Variants in VPS13C observed in about 807,000 individuals in gnomAD.
VPS13C encodes intermembrane lipid transfer protein VPS13C.
A neutral mutation model predicts 456.8 loss-of-function variants in VPS13C; 358 were observed. The observed-to-expected ratio is 0.78, with a 90% CI of 0.72 to 0.86. VPS13C has a LOEUF of 0.86. Among genes scored for constraint, VPS13C ranks in the 40% least tolerant of loss-of-function variants. The pLI, the probability that VPS13C is intolerant of heterozygous loss-of-function variation, is 0.00. For missense variants in VPS13C, 4,818 were observed against 4,385.4 expected (o/e 1.10, Z -2.79); for synonymous variants, 1,578 against 1,486.7 (o/e 1.06, Z -1.41).
At position 61,922,796 on chromosome 15, in the gene VPS13C, A is replaced by C. The variant is rs775791137; in HGVS notation, c.6610-34T>G. On this transcript the variant is annotated intron_variant, in intron 53 of 84. Coordinates refer to ENST00000644861, the MANE Select transcript of VPS13C (RefSeq NM_020821.3). ...AAGAAAGCAGAAAAATATTTATAAT[A>C]AATTCTTTCCCAGATGAGAATATAT... The C allele has an allele frequency of 3.3e-6, 5 of 1,507,622 alleles. No individual in the cohort carries two copies. In the South Asian group the frequency reaches 6.9e-5, roughly 21 times the overall value. The allele number at this position is 1,507,622 out of a possible 1,614,324, so 93.4% of individuals were successfully genotyped here. A position where few individuals can be genotyped will look rare whatever the true frequency, so the allele number is the denominator to read the frequency against.
chr15:61,914,878 TAAAAAAAAAAAAA>T (rs60910951), intron 61 of VPS13C, among the ~76,000 whole-genome samples: 32 of 102,048 alleles, frequency 3.1e-4, no homozygotes, highest in Middle Eastern at 5.0e-3. Flanking sequence ...AACTCTGCCT[TAAAAAAAAAAAAA>T]AAAAAAAAAA....
In VPS13C at chr15:61,947,126, G is replaced by T; in HGVS notation, c.4876+67C>A. 3 of 1,061,604 alleles carry T rather than the reference G, an allele frequency of 2.8e-6. No homozygotes were observed. In the South Asian group the frequency reaches 4.8e-5, roughly 17 times the overall value. The allele number at this position is 1,061,604 out of a possible 1,614,324, so 65.8% of individuals were successfully genotyped here. A position where few individuals can be genotyped will look rare whatever the true frequency, so the allele number is the denominator to read the frequency against. On this transcript the variant is annotated intron_variant, in intron 43 of 84. Coordinates refer to ENST00000644861, the MANE Select transcript of VPS13C (RefSeq NM_020821.3). ...AGAAAACTCATGAGAAATCTAACAG[G>T]TACAAGCTCATTTTTCCTAGTTATG...
intron 30 of VPS13C, 80 bp from the exon 31 acceptor site, chr15:61,964,941 T>C (rs1033351689): frequency 7.5e-7 from 1 of 1,332,656 alleles, no homozygotes; most frequent in African/African-American, 1.5e-5. Context: ...CAAAAGATTC[T>C]CAGGTGGGCT....
chr15:61,856,112 A>G (rs557907062), intron 83 of VPS13C, among the ~76,000 whole-genome samples, 174 bp downstream of exon 83: 1 of 152,298 alleles, frequency 6.6e-6, no homozygotes, highest in Admixed American at 6.5e-5. Flanking sequence ...CTATGCAATC[A>G]AGACTGCCAG....
At chr15:61,981,584 G>A (rs939830609) in intron 21 of VPS13C, 106 bp from the exon 22 acceptor site, 31 of 1,225,890 alleles carry the variant, frequency 2.5e-5, no homozygotes, top group Non-Finnish European at 2.1e-6. Flanking sequence ...TTACAGGTCG[G>A]GTGCGGTGGC....
chr15:61,978,617 A>G lies in VPS13C; in HGVS notation c.2290+9T>C, dbSNP rs1567067542. On this transcript the variant is annotated intron_variant, in intron 23 of 84. Coordinates refer to ENST00000644861, the MANE Select transcript of VPS13C (RefSeq NM_020821.3). ...ATCCCAAGATCCTAAAAGCTGAATA[A>G]CGGTTTACCTGCTCTTGCAAAAAGT... The G allele has an allele frequency of 6.2e-7, 1 of 1,609,734 alleles. No homozygotes were observed. The highest frequency in any genetic ancestry group is 2.2e-5 in the East Asian group (1 of 44,694).
intron 63 of VPS13C, 41 bp downstream of exon 63, chr15:61,911,799 T>C: frequency 6.7e-7 from 1 of 1,494,198 alleles, no homozygotes; most frequent in Non-Finnish European, 9.0e-7. Flanking sequence ...AATATTTATT[T>C]GTATATTTTA....
intron 66 of VPS13C, among the ~76,000 whole-genome samples, chr15:61,902,269 G>GA (rs952503846): frequency 3.1e-5 from 4 of 129,666 alleles, no homozygotes; most frequent in African/African-American, 1.2e-4. Context: ...AATAATAAAA[G>GA]AAAAAAAACG....
chr15:61,895,736 T>G (rs185118695), intron 66 of VPS13C, among the ~76,000 whole-genome samples: 2 of 152,274 alleles, frequency 1.3e-5, no homozygotes, highest in African/African-American at 4.8e-5. Flanking sequence ...CTCACTCATA[T>G]GTGGTAGCTA....
At chr15:61,909,769 AT>A (rs1446846462) in intron 64 of VPS13C, among the ~76,000 whole-genome samples, 2 of 152,068 alleles carry the variant, frequency 1.3e-5, no homozygotes, top group Non-Finnish European at 2.9e-5. Flanking sequence ...TATGTGCCAC[AT>A]TTTCTTAATC....
chr15:61,989,933 C>T (rs550784865), intron 18 of VPS13C, among the ~76,000 whole-genome samples: 3 of 152,164 alleles, frequency 2.0e-5, no homozygotes, highest in Non-Finnish European at 4.4e-5. Context: ...TACACATCCA[C>T]ACTAAAAGAC....
At chr15:62,040,687 T>G (rs1257654402) in intron 3 of VPS13C, among the ~76,000 whole-genome samples, 1 of 151,756 alleles carries the variant, frequency 6.6e-6, no homozygotes, top group Non-Finnish European at 1.5e-5. Context: ...AGCATACACA[T>G]GGACCACCTA....
At position 61,895,593 on chromosome 15, in the gene VPS13C, A is replaced by G. The variant is rs75855125; in HGVS notation, c.9106-5193T>C. ...ACTATCTGCCAAAAAACTGGAAAAC[A>G]CAGAAGACAGAGATAAATTTCTGGA... On this transcript the variant is annotated intron_variant, in intron 66 of 84. Transcript: ENST00000644861. 1.4e-3 allele frequency among the ~76,000 whole-genome samples: 206 copies of G among 152,290 alleles called. 3 individuals carry two copies. The East Asian group carries it at 0.024, about 18-fold the overall frequency.
At chr15:61,949,951 T>C (rs1342882337) in intron 41 of VPS13C, among the ~76,000 whole-genome samples, 1 of 152,212 alleles carries the variant, frequency 6.6e-6, no homozygotes, top group African/African-American at 2.4e-5. Flanking sequence ...GTACAGGTAA[T>C]GCTTGTATGT....
At chr15:62,014,396 G>T (rs903923928) in intron 9 of VPS13C, among the ~76,000 whole-genome samples, 1 of 152,048 alleles carries the variant, frequency 6.6e-6, no homozygotes, top group African/African-American at 2.4e-5. Flanking sequence ...TTTCTACAAG[G>T]ACAGCATGTT....
chr15:61,932,018 C>T (rs1313050844), intron 49 of VPS13C, among the ~76,000 whole-genome samples: 3 of 152,054 alleles, frequency 2.0e-5, no homozygotes, highest in Non-Finnish European at 2.9e-5. Flanking sequence ...AATAGAAATA[C>T]ACTAAAAGGA....
chr15:62,001,937 G>T (rs533683870), intron 15 of VPS13C, among the ~76,000 whole-genome samples: 143 of 152,244 alleles, frequency 9.4e-4, no homozygotes, highest in African/African-American at 3.4e-3. Flanking sequence ...ATTTGGGTTG[G>T]TTCCGAGTCT....
chr15:61,888,379 C>CA (rs1223765825), intron 67 of VPS13C, among the ~76,000 whole-genome samples: 1 of 152,124 alleles, frequency 6.6e-6, no homozygotes, highest in Admixed American at 6.6e-5. Flanking sequence ...TATGTCTACA[C>CA]AAAAACTTGC....
At chr15:61,876,826 AATT>A (rs1161717429) in intron 75 of VPS13C, 144 bp downstream of exon 75, 7 of 540,490 alleles carry the variant, frequency 1.3e-5, no homozygotes, top group Non-Finnish European at 2.1e-5. Context: ...AAGAAACAGA[AATT>A]AATCATTGAA....
Sources: allele counts gnomAD v4.1 joint callset (sites outside exome capture counted in the v4.1 genomes callset), GRCh38; gene constraint gnomAD v4.1.1; transcripts MANE v1.5; gene names NCBI Gene and HGNC (gene_info 2026-07-23, HGNC 2026-07-21).